IARS2: variants seen among roughly 807,000 people sequenced by gnomAD.
The protein encoded by IARS2 is isoleucine--tRNA ligase, mitochondrial.
IARS2 carries 56 observed loss-of-function variants against 126.3 expected under a neutral mutation model. That is an observed-to-expected ratio of 0.44 (90% confidence interval 0.36 to 0.55). IARS2 has a LOEUF of 0.55. Among genes scored for constraint, IARS2 ranks in the 20% least tolerant of loss-of-function variants. IARS2 has a pLI of 0.00. For missense variants in IARS2, 1,127 were observed against 1,245.9 expected, an observed-to-expected ratio of 0.90 and a Z score of 1.44; for synonymous variants, 407 against 441.1, an observed-to-expected ratio of 0.92 and a Z score of 0.97.
At chr1:220,137,452 GA>G (rs1657399185) in intron 16 of IARS2, among the ~76,000 whole-genome samples, 1 of 152,150 alleles carries the variant, frequency 6.6e-6, no homozygotes, top group African/African-American at 2.4e-5. Flanking sequence ...CTGCTTTTGT[GA>G]ATTAAATCAT....
At chr1:220,140,784 A>T (rs969145491) in intron 19 of IARS2, among the ~76,000 whole-genome samples, 2 of 152,006 alleles carry the variant, frequency 1.3e-5, no homozygotes, top group South Asian at 4.1e-4. Context: ...GGAGATCGAG[A>T]CCATCCTGGC....
At chr1:220,096,802 T>G (rs1219045177) in intron 2 of IARS2, among the ~76,000 whole-genome samples, 9 of 152,110 alleles carry the variant, frequency 5.9e-5, no homozygotes, top group African/African-American at 1.7e-4. Flanking sequence ...ATCCCAGCCC[T>G]TTGGGAGGCC....
At chr1:220,131,597 C>T in intron 14 of IARS2, among the ~76,000 whole-genome samples, 1 of 152,118 alleles carries the variant, frequency 6.6e-6, no homozygotes, top group East Asian at 1.9e-4. Flanking sequence ...GGCGATCTGT[C>T]CGCCTAAGCC....
At chr1:220,097,962 T>C (rs147762887) in intron 2 of IARS2, among the ~76,000 whole-genome samples, 62 of 150,416 alleles carry the variant, frequency 4.1e-4, no homozygotes, top group African/African-American at 1.5e-3. Flanking sequence ...GCAAGCTCCG[T>C]CTCCCGGGTT....
chr1:220,096,348 T>C, intron 2 of IARS2, 122 bp downstream of exon 2: 1 of 715,540 alleles, frequency 1.4e-6, no homozygotes, highest in Non-Finnish European at 2.1e-6. Flanking sequence ...ACTAAAACAT[T>C]TTCATAGAAA....
chr1:220,100,484 T>C lies in IARS2; in HGVS notation c.391-6T>C. Reference sequence around the variant, plus strand: ...ATGAATGATAATTATCATTTTATCTTTGCAGATTTTGAAAGACATAGCCAA... The same window carrying C: ...ATGAATGATAATTATCATTTTATCTCTGCAGATTTTGAAAGACATAGCCAA... On this transcript the variant is annotated splice_region_variant and splice_polypyrimidine_tract_variant and intron_variant, in intron 2 of 22. Coordinates refer to ENST00000366922, the MANE Select transcript of IARS2 (RefSeq NM_018060.4). The C allele has an allele frequency of 6.3e-7, 1 of 1,592,616 alleles. No individual in the cohort carries two copies.
rs765303658 is a variant in IARS2, at chr1:220,106,045, G to A, written c.1221G>A (p.Gln407=). Residue 407 remains glutamine (Q), a synonymous_variant, in exon 9 of 23, where the codon CAG becomes CAA. Transcript: ENST00000366922. ...HGMEDYGVAS[Q]HNLPMDCLVD... ...TGGAAGACTACGGTGTAGCGTCTCA[G>A]CACAACCTGCCCATGGTACTGTTCC... 6.2e-7 allele frequency: 1 copy of A among 1,613,346 alleles called. No individual in the cohort carries two copies. The highest frequency in any genetic ancestry group is 1.3e-5 in the African/African-American group (1 of 75,030).
intron 12 of IARS2, among the ~76,000 whole-genome samples, chr1:220,115,088 G>T (rs542739355): frequency 5.9e-5 from 9 of 152,104 alleles, no homozygotes; most frequent in African/African-American, 1.7e-4. Flanking sequence ...AGCTGTTTCT[G>T]AATCTTTCCA....
chr1:220,136,994 A>G (rs186261292), intron 16 of IARS2, 83 bp downstream of exon 16: 126 of 710,122 alleles, frequency 1.8e-4, no homozygotes, highest in East Asian at 3.7e-4. Flanking sequence ...AGTTACTTCA[A>G]TGTAAAAATA....
At position 220,106,070 on chromosome 1, in the gene IARS2, C is replaced by G. The variant is rs1183364894; in HGVS notation, c.1236+10C>G. The G allele has an allele frequency of 1.9e-6, 3 of 1,572,046 alleles. No individual in the cohort carries two copies. The highest frequency in any genetic ancestry group is 2.6e-6 in the Non-Finnish European group (3 of 1,156,346). The stretch of plus-strand genomic sequence containing the variant: ...GCACAACCTGCCCATGGTACTGTTC[C>G]TCTTTTATCATTTTTAATTATTCAT... On this transcript the variant is annotated intron_variant, in intron 9 of 22. Coordinates refer to ENST00000366922, the MANE Select transcript of IARS2 (RefSeq NM_018060.4).
chr1:220,132,262 G>A (rs567913087), intron 14 of IARS2, among the ~76,000 whole-genome samples: 1 of 152,230 alleles, frequency 6.6e-6, no homozygotes, highest in African/African-American at 2.4e-5. Flanking sequence ...CAGAATTGTT[G>A]TTCTTTATAT....
intron 9 of IARS2, among the ~76,000 whole-genome samples, chr1:220,106,553 G>C (rs1656684762): frequency 6.6e-6 from 1 of 151,516 alleles, no homozygotes; most frequent in Non-Finnish European, 1.5e-5. Flanking sequence ...TTATGGATAT[G>C]CTTCAATAAC....
At chr1:220,102,342 T>G in intron 4 of IARS2, 21 bp from the exon 5 acceptor site, 3 of 1,612,060 alleles carry the variant, frequency 1.9e-6, no homozygotes, top group Non-Finnish European at 2.5e-6. Context: ...ACTTTTAACA[T>G]CATATTTTTG....
chr1:220,094,399 G>A lies in IARS2; in HGVS notation c.183G>A (p.Arg61=). Residue 61 remains arginine (R), a synonymous_variant, in exon 1 of 23, where the codon CGG becomes CGA. Transcript: ENST00000366922. ...CGAACTCGAATAGTGGCAGATACCG[G>A]GACACGGTGCTGCTGCCGCAGACGA... ...HQPNSNSGRY[R]DTVLLPQTSF... 1.2e-6 allele frequency: 2 copies of A among 1,612,152 alleles called. No homozygotes were observed. The highest frequency in any genetic ancestry group is 1.3e-5 in the African/African-American group (1 of 75,010).
intron 14 of IARS2, among the ~76,000 whole-genome samples, chr1:220,132,923 C>T (rs1322831502): frequency 6.6e-6 from 1 of 152,082 alleles, no homozygotes; most frequent in Non-Finnish European, 1.5e-5. Flanking sequence ...TATGCATTTA[C>T]CTTCTTACAT....
intron 12 of IARS2, 76 bp from the exon 13 acceptor site, chr1:220,125,161 A>C: frequency 1.2e-6 from 1 of 814,982 alleles, no homozygotes; most frequent in Non-Finnish European, 1.9e-6. Flanking sequence ...ATAAATCACT[A>C]TTTCTTAATT....
rs1381487471 is a variant in IARS2, at chr1:220,103,433, A to G, written c.951-14A>G. On this transcript the variant is annotated splice_polypyrimidine_tract_variant and intron_variant, in intron 7 of 22. Coordinates refer to ENST00000366922, the MANE Select transcript of IARS2 (RefSeq NM_018060.4). ...GTTTCATTATTAGTAATTTCTCCTAAAATTTTATGTTAGGTATGCTGTTGT... is the reference window on the plus strand; with the variant it reads ...GTTTCATTATTAGTAATTTCTCCTAGAATTTTATGTTAGGTATGCTGTTGT... The G allele has an allele frequency of 1.4e-6, 2 of 1,425,358 alleles. No homozygotes were observed. The highest frequency in any genetic ancestry group is 2.0e-6 in the Non-Finnish European group (2 of 1,021,204). The allele number at this position is 1,425,358 out of a possible 1,614,324, so 88.3% of individuals were successfully genotyped here. A position where few individuals can be genotyped will look rare whatever the true frequency, so the allele number is the denominator to read the frequency against.
At chr1:220,097,706 C>T (rs1333969070) in intron 2 of IARS2, among the ~76,000 whole-genome samples, 1 of 152,092 alleles carries the variant, frequency 6.6e-6, no homozygotes, top group African/African-American at 2.4e-5. Flanking sequence ...TCTCATTGGC[C>T]TGATTTGGGT....
intron 14 of IARS2, among the ~76,000 whole-genome samples, chr1:220,128,498 A>T (rs1232961470): frequency 6.6e-6 from 1 of 152,044 alleles, no homozygotes; most frequent in Non-Finnish European, 1.5e-5. Context: ...GTGTAAGTAC[A>T]CTCTATGATG....
Sources: allele counts gnomAD v4.1 joint callset (sites outside exome capture counted in the v4.1 genomes callset), GRCh38; gene constraint gnomAD v4.1.1; transcripts MANE v1.5; gene names NCBI Gene and HGNC (gene_info 2026-07-23, HGNC 2026-07-21).